The following TIAM1 variants were observed in gnomAD, a reference collection of about 807,000 sequenced individuals.
TIAM1 encodes the protein rho guanine nucleotide exchange factor TIAM1.
Under a neutral mutation model 163.5 loss-of-function variants are expected in TIAM1, and 65 were observed. That is an observed-to-expected ratio of 0.40 (90% CI 0.33 to 0.49). The LOEUF (loss-of-function observed/expected upper bound fraction) is 0.49, where lower values mean the gene tolerates loss of function less well. Ranked by LOEUF, TIAM1 falls within the 20% of genes least tolerant of loss-of-function variation. The pLI, the probability that TIAM1 is intolerant of heterozygous loss-of-function variation, is 0.77. For synonymous variants in TIAM1, 833 were observed against 810.1 expected, an observed-to-expected ratio of 1.03 and a Z score of -0.48; for missense variants, 1,789 against 2,044.7, an observed-to-expected ratio of 0.87 and a Z score of 2.41.
chr21:31,266,161 T>C lies in TIAM1; in HGVS notation c.812A>G (p.Lys271Arg). The change falls in exon 4 of 28, where the codon AAG (lysine) becomes AGG (arginine). Residue 271 changes from lysine (K) to arginine (R), a missense_variant. By Grantham distance (26) the Lys-to-Arg change is conservative. Around this residue, in one of 5 missense-constraint regions of TIAM1, gnomAD observed 555 missense variants for 564.9 expected, o/e 0.98. Coordinates refer to ENST00000541036, the MANE Select transcript of TIAM1 (RefSeq NM_001353694.2). Reference sequence around the variant, plus strand: ...CTCTTCAGCAGCAGCTGGTGGCATCTTATGGTTTGCAAGATTGGGAATATC... The same window carrying C: ...CTCTTCAGCAGCAGCTGGTGGCATCCTATGGTTTGCAAGATTGGGAATATC... Reference protein sequence around the residue: ...VSDIPNLANHKMPPAAAEETP... With the variant: ...VSDIPNLANHRMPPAAAEETP... The C allele has an allele frequency of 6.2e-7, 1 of 1,614,172 alleles. No individual in the cohort carries two copies. The highest frequency in any genetic ancestry group is 2.2e-5 in the East Asian group (1 of 44,864).
chr21:31,368,435 C>G (rs1369286295), intron 2 of TIAM1, among the ~76,000 whole-genome samples: 1 of 152,208 alleles, frequency 6.6e-6, no homozygotes, highest in Non-Finnish European at 1.5e-5. Flanking sequence ...ACACGCATAA[C>G]ATTTTTAATT....
At chr21:31,479,861 CCT>C (rs2046056900) in intron 1 of TIAM1, among the ~76,000 whole-genome samples, 1 of 152,016 alleles carries the variant, frequency 6.6e-6, no homozygotes, top group African/African-American at 2.4e-5. Context: ...GCCTGTTTTC[CCT>C]CTTTTAGAAA....
chr21:31,370,339 CTTTTT>C (rs2076575028), intron 2 of TIAM1, among the ~76,000 whole-genome samples: 1 of 152,132 alleles, frequency 6.6e-6, no homozygotes, highest in East Asian at 1.9e-4. Flanking sequence ...TATGGCTTTT[CTTTTT>C]ATTTTTTGAA....
chr21:31,373,070 AAAAGAAAAGAAAAGAAAAAG>A (rs1212685521), intron 2 of TIAM1, among the ~76,000 whole-genome samples: 1 of 104,768 alleles, frequency 9.5e-6, no homozygotes, highest in Non-Finnish European at 2.2e-5. Context: ...AAAAAAAAAG[AAAAGAAAAGAAAAGAAAAAG>A]AAAGAAAAGA....
At chr21:31,485,060 G>A (rs2046228405) in intron 1 of TIAM1, among the ~76,000 whole-genome samples, 1 of 151,964 alleles carries the variant, frequency 6.6e-6, no homozygotes, top group South Asian at 2.1e-4. Context: ...CCAGAACCGT[G>A]AGCCAAATAA....
intron 2 of TIAM1, among the ~76,000 whole-genome samples, chr21:31,285,081 A>T (rs978578735): frequency 2.6e-5 from 4 of 152,216 alleles, no homozygotes; most frequent in African/African-American, 9.6e-5. Context: ...AGCCAAGAGG[A>T]AAGTCTTTCA....
chr21:31,200,354 A>G (rs769215643), intron 12 of TIAM1, among the ~76,000 whole-genome samples: 10 of 152,132 alleles, frequency 6.6e-5, no homozygotes, highest in South Asian at 4.1e-4. Context: ...AAAAAAAGTG[A>G]TATCTTTATA....
At chr21:31,432,852 G>C (rs779044358) in intron 2 of TIAM1, among the ~76,000 whole-genome samples, 5 of 152,178 alleles carry the variant, frequency 3.3e-5, no homozygotes, top group South Asian at 2.1e-4. Context: ...ACTTTAATCT[G>C]TATGTGGTCG....
At chr21:31,433,926 T>C (rs1379984782) in intron 2 of TIAM1, among the ~76,000 whole-genome samples, 2 of 152,020 alleles carry the variant, frequency 1.3e-5, no homozygotes, top group Non-Finnish European at 1.5e-5. Context: ...GCCTCCTGAG[T>C]AGCTGGGACC....
intron 25 of TIAM1, among the ~76,000 whole-genome samples, chr21:31,128,608 T>C (rs968693093): frequency 1.3e-5 from 2 of 152,212 alleles, no homozygotes; most frequent in Non-Finnish European, 2.9e-5. Context: ...AACCTCAAAA[T>C]GCTATGTATT....
rs539504035 is a variant in TIAM1 at position 31,394,689 on chromosome 21, C to G, written c.-368-55267G>C. ...CTCTAAAAATGAAAATCTACTCATT[C>G]TCTCTCTCTCTCTCTCTCGCTCTCT... is the stretch of plus-strand genomic sequence containing the variant. On this transcript the variant is annotated intron_variant, in intron 2 of 28. Transcript: ENST00000286827. Among the ~76,000 whole-genome samples the G allele has an allele frequency of 1.5e-4, 13 of 89,268 alleles. 1 individual carries two copies. In the East Asian group the frequency reaches 2.8e-3, roughly 19 times the overall value. The allele number at this position is 89,268 out of a possible 152,430, so 58.6% of individuals were successfully genotyped here.
intron 2 of TIAM1, among the ~76,000 whole-genome samples, chr21:31,349,726 C>A (rs924742396): frequency 3.3e-5 from 5 of 152,128 alleles, no homozygotes; most frequent in African/African-American, 1.2e-4. Flanking sequence ...AGTATCCCAT[C>A]GGGGAGGCCT....
At chr21:31,558,143 C>A (rs1164410919) in intron 1 of TIAM1, among the ~76,000 whole-genome samples, 1 of 149,756 alleles carries the variant, frequency 6.7e-6, no homozygotes, top group African/African-American at 2.5e-5. Context: ...CAAAAGCGGG[C>A]CCCACGCGGG....
At chr21:31,482,625 G>GGA (rs2046150338) in intron 1 of TIAM1, among the ~76,000 whole-genome samples, 1 of 152,188 alleles carries the variant, frequency 6.6e-6, no homozygotes, top group Admixed American at 6.5e-5. Flanking sequence ...GGAGGTGGGA[G>GGA]GAGAGAGCGC....
chr21:31,439,295 C>T (rs475142), intron 2 of TIAM1, among the ~76,000 whole-genome samples: 108,385 of 152,114 alleles, frequency 0.71, 38,737 homozygotes, highest in South Asian at 0.82. Flanking sequence ...TGTTTTTGTT[C>T]GTCTGTTTGT....
chr21:31,512,760 G>A (rs867404098), intron 1 of TIAM1, among the ~76,000 whole-genome samples: 4 of 151,664 alleles, frequency 2.6e-5, no homozygotes, highest in South Asian at 2.1e-4. Flanking sequence ...TGGGACAACC[G>A]TTGCAAGCCA....
At chr21:31,369,071 A>G (rs2147150731) in intron 2 of TIAM1, among the ~76,000 whole-genome samples, 1 of 151,912 alleles carries the variant, frequency 6.6e-6, no homozygotes, top group East Asian at 1.9e-4. Context: ...CTAAAAACAC[A>G]GAAAATTAGC....
chr21:31,473,392 T>C (rs2045817688), intron 1 of TIAM1, among the ~76,000 whole-genome samples: 1 of 122,918 alleles, frequency 8.1e-6, no homozygotes, highest in Non-Finnish European at 1.6e-5. Flanking sequence ...ATCGTGCCAC[T>C]GCACTCTAGG....
intron 1 of TIAM1, among the ~76,000 whole-genome samples, chr21:31,558,493 T>G (rs943858834): frequency 6.6e-6 from 1 of 151,728 alleles, no homozygotes; most frequent in Non-Finnish European, 1.5e-5. Flanking sequence ...GACGCAAACA[T>G]AGACACAAGG....
Sources: gnomAD v4.1 joint callset for allele counts (sites outside exome capture counted in the v4.1 genomes callset) on GRCh38, gnomAD v4.1.1 for gene constraint, gnomAD v4.1.1 regional missense constraint, MANE v1.5 for transcripts, NCBI Gene and HGNC (gene_info 2026-07-23, HGNC 2026-07-21) for gene names.